The following RPSA2 variants were observed in gnomAD, a reference collection of about 807,000 sequenced individuals.
The protein encoded by RPSA2 is small ribosomal subunit protein uS2B.
At chr19:23,791,084 C>T in the RPSA2 span, among the ~76,000 whole-genome samples, 32 of 152,262 alleles carry the variant, frequency 2.1e-4, no homozygotes, top group African/African-American at 7.7e-4. Context: ...ATCATCAGGG[C>T]AGAATCCTGA....
At chr19:23,823,216 A>T in the RPSA2 span, among the ~76,000 whole-genome samples, 1 of 152,154 alleles carries the variant, frequency 6.6e-6, no homozygotes, top group African/African-American at 2.4e-5. Context: ...CTTAACATAC[A>T]TGCTAATCGG....
the RPSA2 span, among the ~76,000 whole-genome samples, chr19:23,859,205 T>A: frequency 6.6e-6 from 1 of 152,198 alleles, no homozygotes; most frequent in Non-Finnish European, 1.5e-5. Context: ...TAAAGGCCAC[T>A]GATGCAAAGT....
the RPSA2 span, among the ~76,000 whole-genome samples, chr19:23,863,514 A>G: frequency 0.023 from 3,488 of 149,392 alleles, 63 homozygotes; most frequent in South Asian, 0.036. Flanking sequence ...CAGTGAGCTA[A>G]GATCACACCA....
the RPSA2 span, among the ~76,000 whole-genome samples, chr19:23,775,701 G>T: frequency 7.9e-4 from 121 of 152,326 alleles, no homozygotes; most frequent in African/African-American, 2.9e-3. Context: ...CCAAAGGTAA[G>T]TTGGTGACTT....
chr19:23,784,224 A>G, the RPSA2 span, among the ~76,000 whole-genome samples: 1 of 152,204 alleles, frequency 6.6e-6, no homozygotes, highest in Admixed American at 6.5e-5. Context: ...CCACTCTCTC[A>G]CATCTGTAAA....
chr19:23,815,391 C>CTTGGCACCATCCTCT, the RPSA2 span, among the ~76,000 whole-genome samples: 148,862 of 152,222 alleles, frequency 0.98, 72,881 homozygotes, highest in Middle Eastern at 1. Flanking sequence ...TCATAAATAG[C>CTTGGCACCATCCTCT]TGGTAATCAA....
the RPSA2 span, among the ~76,000 whole-genome samples, chr19:23,795,156 G>T: frequency 6.8e-6 from 1 of 146,306 alleles, no homozygotes; most frequent in Non-Finnish European, 1.5e-5. Context: ...TTGGCTATTC[G>T]GACTCTTTTG....
chr19:23,829,819 G>T, the RPSA2 span, among the ~76,000 whole-genome samples: 4 of 150,574 alleles, frequency 2.7e-5, no homozygotes, highest in South Asian at 8.3e-4. Flanking sequence ...TTCTTTTATT[G>T]TTCAAATTTC....
At chr19:23,821,333 C>T in the RPSA2 span, among the ~76,000 whole-genome samples, 4 of 152,300 alleles carry the variant, frequency 2.6e-5, no homozygotes, top group East Asian at 1.9e-4. Context: ...GCCATGATCC[C>T]GTGACCTGAG....
chr19:23,823,384 T>A, the RPSA2 span, among the ~76,000 whole-genome samples: 1 of 152,152 alleles, frequency 6.6e-6, no homozygotes, highest in Non-Finnish European at 1.5e-5. Context: ...TACTAAATTG[T>A]GGGGCACCTC....
the RPSA2 span, among the ~76,000 whole-genome samples, chr19:23,854,886 T>G: frequency 6.6e-6 from 1 of 152,064 alleles, no homozygotes; most frequent in East Asian, 1.9e-4. Context: ...TCAGGTAAAT[T>G]TTGTCGTTGG....
At chr19:23,761,020 T>C in the RPSA2 span, among the ~76,000 whole-genome samples, 4 of 113,500 alleles carry the variant, frequency 3.5e-5, no homozygotes, top group Admixed American at 4.6e-4. Context: ...TGTGTGTATA[T>C]ATATATACAC....
At chr19:23,869,839 C>T in the RPSA2 span, among the ~76,000 whole-genome samples, 1 of 152,188 alleles carries the variant, frequency 6.6e-6, no homozygotes, top group Non-Finnish European at 1.5e-5. Context: ...TCAACACAGT[C>T]TTAATGTCAC....
At chr19:23,869,013 C>T in the RPSA2 span, among the ~76,000 whole-genome samples, 1 of 152,176 alleles carries the variant, frequency 6.6e-6, no homozygotes, top group South Asian at 2.1e-4. Context: ...ACCCCTGATT[C>T]CATGTTCTTG....
chr19:23,790,048 G>A, the RPSA2 span, among the ~76,000 whole-genome samples: 1 of 151,994 alleles, frequency 6.6e-6, no homozygotes, highest in Admixed American at 6.6e-5. Flanking sequence ...TGCCCAGGCT[G>A]GAGTGCAGTG....
chr19:23,856,847 C>A, the RPSA2 span, among the ~76,000 whole-genome samples: 4 of 152,080 alleles, frequency 2.6e-5, no homozygotes, highest in African/African-American at 9.7e-5. Context: ...GGGAGTAGGT[C>A]ACAAAGATCA....
the RPSA2 span, among the ~76,000 whole-genome samples, chr19:23,834,481 G>A: frequency 6.6e-6 from 1 of 151,972 alleles, no homozygotes; most frequent in African/African-American, 2.4e-5. Context: ...AATTTAAGTA[G>A]AGAGGCTCTT....
At chr19:23,836,194 T>C in the RPSA2 span, among the ~76,000 whole-genome samples, 1 of 152,158 alleles carries the variant, frequency 6.6e-6, no homozygotes. Context: ...ATTATTCTTA[T>C]ACCTTTCCAT....
chr19:23,758,604 G>A, the RPSA2 span: 1 of 1,241,244 alleles, frequency 8.1e-7, no homozygotes, highest in South Asian at 1.2e-5. Context: ...TGTCAGCGCA[G>A]CCGCCATCTT....
Sources: allele counts gnomAD v4.1 joint callset (sites outside exome capture counted in the v4.1 genomes callset), GRCh38; gene constraint gnomAD v4.1.1; transcripts MANE v1.5; gene names NCBI Gene and HGNC (gene_info 2026-07-23, HGNC 2026-07-21).